Variants in MAN1A2 observed in about 807,000 individuals in gnomAD.
The protein encoded by MAN1A2 is mannosidase alpha class 1A member 2.
A neutral mutation model predicts 75.7 loss-of-function variants in MAN1A2; 26 were observed. The ratio of observed to expected loss-of-function variants is 0.34; its 90% CI spans 0.25 to 0.48. The LOEUF (loss-of-function observed/expected upper bound fraction) is 0.48. Among genes scored for constraint, MAN1A2 ranks in the 20% least tolerant of loss-of-function variants. The probability of loss-of-function intolerance (pLI) is 0.99; values close to 1 mark genes in which losing one functional copy is unlikely to be tolerated. For synonymous variants in MAN1A2, 247 were observed against 264.6 expected, an observed-to-expected ratio of 0.93 and a Z score of 0.65; for missense variants, 562 against 775.5, an observed-to-expected ratio of 0.72 and a Z score of 3.27.
At chr1:117,386,937 T>C (rs955814840) in intron 1 of MAN1A2, among the ~76,000 whole-genome samples, 15 of 151,828 alleles carry the variant, frequency 9.9e-5, no homozygotes, top group South Asian at 2.1e-4. Flanking sequence ...AAACAAAAAC[T>C]GTGAAAAGGT....
chr1:117,524,598 G>T lies in MAN1A2; in HGVS notation c.*1641G>T, dbSNP rs548730297. On this transcript the variant is annotated 3_prime_UTR_variant, in exon 13 of 13. Coordinates refer to ENST00000356554, the MANE Select transcript of MAN1A2 (RefSeq NM_006699.5). ...AAACTTAGGTTTTAAGTTGGGGAAA[G>T]ACTTAATTAACTAATATAGTATTTT... is the stretch of plus-strand genomic sequence containing the variant. The T allele has an allele frequency of 2.6e-5, 4 of 151,690 alleles. No homozygotes were observed. Among genetic ancestry groups the T allele is most frequent in the Admixed American group, 6.6e-5 (1 of 15,168 alleles). The allele number at this position is 151,690 out of a possible 1,614,324, so 9.4% of individuals were successfully genotyped here.
At chr1:117,506,238 G>T (rs1651361357) in intron 12 of MAN1A2, among the ~76,000 whole-genome samples, 1 of 151,514 alleles carries the variant, frequency 6.6e-6, no homozygotes, top group African/African-American at 2.4e-5. Flanking sequence ...ATTTACTGCG[G>T]ATTCATTAAA....
Position 117,525,418 on chromosome 1 carries a change from AT to A in MAN1A2, c.*2462del, listed in dbSNP as rs1254929627. ...ATTATTTCCTTCAAGATCAATTCTT[AT>A]CCCATATAATGCTTAGCTTCCAAGA... is the stretch of plus-strand genomic sequence containing the variant. On this transcript the variant is annotated 3_prime_UTR_variant, in exon 13 of 13. Transcript: ENST00000356554. 3 of 220,376 alleles carry A rather than the reference AT, an allele frequency of 1.4e-5. No homozygotes were observed. The highest frequency in any genetic ancestry group is 2.8e-5 in the Non-Finnish European group (3 of 106,256). The allele number at this position is 220,376 out of a possible 1,614,324, so 13.7% of individuals were successfully genotyped here. A position where few individuals can be genotyped will look rare whatever the true frequency, so the allele number is the denominator to read the frequency against.
At chr1:117,377,173 G>A (rs1441823421) in intron 1 of MAN1A2, among the ~76,000 whole-genome samples, 1 of 152,160 alleles carries the variant, frequency 6.6e-6, no homozygotes. Context: ...CAGTCAGGTG[G>A]CATCTGATAC....
chr1:117,494,106 A>C (rs1650969937), intron 9 of MAN1A2: 1 of 152,090 alleles, frequency 6.6e-6, no homozygotes, highest in African/African-American at 2.4e-5. Flanking sequence ...TAACTTGCTG[A>C]AGGTTGCATT....
chr1:117,439,957 A>C (rs1648976405), intron 5 of MAN1A2, among the ~76,000 whole-genome samples: 2 of 152,202 alleles, frequency 1.3e-5, no homozygotes, highest in Non-Finnish European at 2.9e-5. Context: ...TTGAGACAAC[A>C]AATTCACTTC....
Position 117,526,880 on chromosome 1 carries a change from C to CTCTCTCTCTCTCTCTCTCTCTATATA in MAN1A2, c.*3924_*3925insCTCTCTCTCTCTCTCTCTCTATATAT. 3.7e-5 allele frequency: 2 copies of CTCTCTCTCTCTCTCTCTCTCTATATA among 54,518 alleles called. No individual in the cohort carries two copies. Among genetic ancestry groups the CTCTCTCTCTCTCTCTCTCTCTATATA allele is most frequent in the African/African-American group, 1.6e-4 (2 of 12,284 alleles). The allele number at this position is 54,518 out of a possible 1,614,324, so 3.4% of individuals were successfully genotyped here. On this transcript the variant is annotated 3_prime_UTR_variant, in exon 13 of 13. Transcript: ENST00000356554. ...TCTCTCTCTCTCTCTCTCTCTCTCT[C>CTCTCTCTCTCTCTCTCTCTCTATATA]TATATATATATATATATATATATAT...
At chr1:117,372,525 G>C (rs1652996160) in intron 1 of MAN1A2, among the ~76,000 whole-genome samples, 1 of 152,060 alleles carries the variant, frequency 6.6e-6, no homozygotes, top group Non-Finnish European at 1.5e-5. Context: ...CTATTAAGTA[G>C]TTCATAAATA....
intron 9 of MAN1A2, chr1:117,494,315 GAAGTGTGTT>G (rs1650975827): frequency 1.3e-5 from 2 of 152,082 alleles, no homozygotes; most frequent in South Asian, 4.1e-4. Context: ...AAGTAAGTCA[GAAGTGTGTT>G]AAGTGTGTTT....
intron 2 of MAN1A2, among the ~76,000 whole-genome samples, chr1:117,405,242 T>C (rs985078308): frequency 5.4e-5 from 8 of 148,888 alleles, no homozygotes; most frequent in Non-Finnish European, 8.9e-5. Flanking sequence ...AGCTCTGTTA[T>C]ATGTGAGGAA....
At chr1:117,489,233 T>C (rs1650805273) in intron 8 of MAN1A2, among the ~76,000 whole-genome samples, 1 of 152,106 alleles carries the variant, frequency 6.6e-6, no homozygotes. Context: ...TTTGTATATT[T>C]CTGCAAATAT....
intron 1 of MAN1A2, among the ~76,000 whole-genome samples, chr1:117,381,766 T>A (rs1178816567): frequency 6.6e-6 from 1 of 151,824 alleles, no homozygotes; most frequent in Non-Finnish European, 1.5e-5. Flanking sequence ...GCCACACTGA[T>A]TTCCACAATG....
chr1:117,417,465 C>T (rs1015439679), intron 4 of MAN1A2, among the ~76,000 whole-genome samples: 1 of 145,368 alleles, frequency 6.9e-6, no homozygotes, highest in African/African-American at 2.5e-5. Context: ...CATCATCTCT[C>T]TTTTTCCCTC....
chr1:117,458,345 C>CCTTCCATATTTAAATATGCCTTCCAT (rs1649667912), intron 6 of MAN1A2, among the ~76,000 whole-genome samples: 1 of 151,452 alleles, frequency 6.6e-6, no homozygotes, highest in Non-Finnish European at 1.5e-5. Flanking sequence ...TATTTTCAGA[C>CCTTCCATATTTAAATATGCCTTCCAT]AGTTTAAAAA....
At chr1:117,417,991 A>G (rs1648063845) in intron 4 of MAN1A2, among the ~76,000 whole-genome samples, 3 of 151,996 alleles carry the variant, frequency 2.0e-5, no homozygotes, top group Admixed American at 6.6e-5. Context: ...GGCTACAGGG[A>G]GCCATGATCA....
chr1:117,429,054 A>G (rs965173172), intron 5 of MAN1A2, among the ~76,000 whole-genome samples: 8 of 147,124 alleles, frequency 5.4e-5, no homozygotes, highest in African/African-American at 1.5e-4. Context: ...CATATCTTGC[A>G]CCGCCCTTAA....
chr1:117,506,937 T>A (rs1557978110), intron 12 of MAN1A2, among the ~76,000 whole-genome samples: 1 of 151,552 alleles, frequency 6.6e-6, no homozygotes, highest in African/African-American at 2.4e-5. Flanking sequence ...AGTGCCAACC[T>A]GACTACAGTT....
At chr1:117,454,622 C>T (rs1427075214) in intron 6 of MAN1A2, among the ~76,000 whole-genome samples, 1 of 152,058 alleles carries the variant, frequency 6.6e-6, no homozygotes, top group African/African-American at 2.4e-5. Flanking sequence ...TTTTAAGGAA[C>T]TTTCTAATGA....
At chr1:117,404,097 C>T (rs1011989439) in intron 2 of MAN1A2, among the ~76,000 whole-genome samples, 1 of 151,896 alleles carries the variant, frequency 6.6e-6, no homozygotes, top group Admixed American at 6.6e-5. Context: ...TTAAATTAGT[C>T]TTATATTCCT....
Sources: gnomAD v4.1 joint callset for allele counts (sites outside exome capture counted in the v4.1 genomes callset) on GRCh38, gnomAD v4.1.1 for gene constraint, MANE v1.5 for transcripts, NCBI Gene and HGNC (gene_info 2026-07-23, HGNC 2026-07-21) for gene names.